CELF2: variants seen among roughly 807,000 people sequenced by gnomAD.
CELF2 encodes CUGBP Elav-like family member 2, also known as CUG triplet repeat RNA-binding protein 2.
CELF2 carries 8 observed loss-of-function variants against 62.6 expected under a neutral mutation model. That is an observed-to-expected ratio of 0.13 (90% confidence interval 0.07 to 0.23). CELF2 has a LOEUF of 0.23. CELF2 is among the 10% of genes least tolerant of loss of function. The pLI is 1.00. For synonymous variants in CELF2, 258 were observed against 250.0 expected, an observed-to-expected ratio of 1.03 and a Z score of -0.30; for missense variants, 333 against 671.0, an observed-to-expected ratio of 0.50 and a Z score of 5.56.
the CELF2 span, among the ~76,000 whole-genome samples, chr10:10,754,966 C>G: frequency 6.6e-6 from 1 of 152,180 alleles, no homozygotes; most frequent in African/African-American, 2.4e-5. Flanking sequence ...TTCTGTTTCC[C>G]TCAATAAGTA....
chr10:10,926,913 C>T (rs141334930), intron 2 of CELF2: 2 of 152,222 alleles, frequency 1.3e-5, no homozygotes, highest in African/African-American at 4.8e-5. Context: ...TGCATTCAAC[C>T]TAGGGACAAC....
At chr10:11,123,530 G>C (rs2058138464) in intron 1 of CELF2, among the ~76,000 whole-genome samples, 1 of 152,178 alleles carries the variant, frequency 6.6e-6, no homozygotes, top group Non-Finnish European at 1.5e-5. Flanking sequence ...GATTATAGGT[G>C]TGAGCCACCA....
At chr10:10,994,581 C>T (rs1295296904) in intron 2 of CELF2, among the ~76,000 whole-genome samples, 4 of 152,204 alleles carry the variant, frequency 2.6e-5, no homozygotes, top group Non-Finnish European at 2.9e-5. Context: ...CCTGTTGAAT[C>T]AGCAGCAGCA....
At chr10:10,757,003 G>A in the CELF2 span, among the ~76,000 whole-genome samples, 4 of 152,010 alleles carry the variant, frequency 2.6e-5, no homozygotes, top group Admixed American at 1.3e-4. Context: ...TTAGCCAGGC[G>A]TGGTGGCACG....
At position 11,237,971 on chromosome 10, in the gene CELF2, TA is replaced by T. The variant is rs1472072612; in HGVS notation, c.355-11179del. Among the ~76,000 whole-genome samples the T allele has an allele frequency of 1.3e-5, 2 of 152,258 alleles. No individual in the cohort carries two copies. The highest frequency in any genetic ancestry group is 2.4e-5 in the African/African-American group (1 of 41,466). Reference sequence around the variant, plus strand: ...AAATGTAAATGAGCCACCAGGTAATTAAACCACGCCTTTAGTCGCCTTTAAT... The same window carrying T: ...AAATGTAAATGAGCCACCAGGTAATTAACCACGCCTTTAGTCGCCTTTAAT... On this transcript the variant is annotated intron_variant, in intron 3 of 12. Coordinates refer to ENST00000633077, the MANE Select transcript of CELF2 (RefSeq NM_001326342.2). The surrounding 1 kb of genome is among the most constrained non-coding windows in gnomAD (Gnocchi z 4.0).
At chr10:10,763,315 G>C in the CELF2 span, among the ~76,000 whole-genome samples, 1 of 152,184 alleles carries the variant, frequency 6.6e-6, no homozygotes, top group African/African-American at 2.4e-5. Context: ...CTGCACATGA[G>C]AGCAATCATA....
the CELF2 span, among the ~76,000 whole-genome samples, chr10:10,642,084 C>A: frequency 1.3e-5 from 2 of 152,182 alleles, no homozygotes; most frequent in South Asian, 2.1e-4. Context: ...ATTCAAAAAA[C>A]AAGGCCATCA....
chr10:11,276,312 G>A (rs183351931), intron 8 of CELF2, among the ~76,000 whole-genome samples: 6 of 152,090 alleles, frequency 3.9e-5, no homozygotes, highest in South Asian at 4.1e-4. Flanking sequence ...TGAATTCCTC[G>A]TTGGGCTTTA....
chr10:10,538,395 G>A, the CELF2 span, among the ~76,000 whole-genome samples: 50 of 152,300 alleles, frequency 3.3e-4, 2 homozygotes, highest in East Asian at 9.3e-3. Flanking sequence ...ACAGTGGATT[G>A]AGAGGGCCAA....
At chr10:11,123,017 G>T (rs1484143364) in intron 1 of CELF2, among the ~76,000 whole-genome samples, 2 of 152,190 alleles carry the variant, frequency 1.3e-5, no homozygotes, top group Middle Eastern at 6.8e-3. Flanking sequence ...ATAAGTTCCC[G>T]AAAGTAGCAA....
chr10:11,189,546 G>A (rs1588655848), intron 2 of CELF2, among the ~76,000 whole-genome samples: 1 of 152,120 alleles, frequency 6.6e-6, no homozygotes, highest in East Asian at 1.9e-4. Context: ...CTCTCTCTCT[G>A]CAGCTCATTC....
intron 1 of CELF2, among the ~76,000 whole-genome samples, chr10:11,042,645 T>C (rs569878377): frequency 3.9e-4 from 60 of 152,154 alleles, no homozygotes; most frequent in Non-Finnish European, 1.5e-4. Flanking sequence ...CAGGACAATT[T>C]CATCACCCAA....
the CELF2 span, among the ~76,000 whole-genome samples, chr10:10,783,376 G>A: frequency 6.6e-5 from 10 of 152,148 alleles, no homozygotes; most frequent in Non-Finnish European, 1.5e-4. Flanking sequence ...AGAACCCACA[G>A]AGGAGATGGC....
chr10:11,148,311 C>T (rs2062652482), intron 1 of CELF2, among the ~76,000 whole-genome samples: 1 of 152,208 alleles, frequency 6.6e-6, no homozygotes, highest in Admixed American at 6.5e-5. Flanking sequence ...ATTTAGCCAG[C>T]GGAGGCCTGT....
intron 2 of CELF2, among the ~76,000 whole-genome samples, chr10:11,180,694 T>C (rs887517509): frequency 6.6e-6 from 1 of 152,190 alleles, no homozygotes; most frequent in Non-Finnish European, 1.5e-5. Flanking sequence ...GTACTCGCCA[T>C]GCGCTAGGTC....
chr10:10,920,331 C>T (rs1427255154), intron 2 of CELF2, among the ~76,000 whole-genome samples: 1 of 152,102 alleles, frequency 6.6e-6, no homozygotes, highest in African/African-American at 2.4e-5. Flanking sequence ...CGGGAATTGG[C>T]AATCGAAAAA....
Position 10,980,682 on chromosome 10 carries a change from C to T in CELF2, c.89+60683C>T, listed in dbSNP as rs765043145. Among the ~76,000 whole-genome samples the T allele has an allele frequency of 6.6e-5, 10 of 152,358 alleles. No homozygotes were observed. The East Asian group carries it at 7.7e-4, about 12-fold the overall frequency. On this transcript the variant is annotated intron_variant, in intron 2 of 13. Coordinates refer to the CELF2 transcript ENST00000636488. The stretch of plus-strand genomic sequence containing the variant: ...CTCCTAACGGTCTCTCGCACCCGCA[C>T]AGGTTATTTGAGAATCTGCTCAGAT...
At chr10:10,493,033 T>C in the CELF2 span, among the ~76,000 whole-genome samples, 1 of 152,230 alleles carries the variant, frequency 6.6e-6, no homozygotes, top group Admixed American at 6.5e-5. Context: ...TGTTTTTCTT[T>C]ACAAATTAGC....
rs547028048 is a variant in CELF2, at chr10:10,849,776, C to A, written c.53+50959C>A. On this transcript the variant is annotated intron_variant, in intron 1 of 13. Transcript: ENST00000636488. ...TGACCAAATAGTTTCTATCTTTGTG[C>A]ACGTGTATGTGTATATGTATATGGA... Among the ~76,000 whole-genome samples, 8 of 151,824 alleles carry A rather than the reference C, an allele frequency of 5.3e-5. No homozygotes were observed. The South Asian group carries it at 1.7e-3, about 32-fold the overall frequency.
Sources: gnomAD v4.1 joint callset for allele counts (sites outside exome capture counted in the v4.1 genomes callset) on GRCh38, gnomAD v4.1.1 for gene constraint, Gnocchi (gnomAD v3.1) non-coding constraint, MANE v1.5 for transcripts, NCBI Gene and HGNC (gene_info 2026-07-23, HGNC 2026-07-21) for gene names.